ABRAXAS2: variants seen among roughly 807,000 people sequenced by gnomAD.
The protein encoded by ABRAXAS2 is abraxas 2, BRISC complex subunit.
ABRAXAS2 carries 23 observed loss-of-function variants against 49.0 expected under a neutral mutation model. The observed-to-expected ratio is 0.47, with a 90% CI of 0.34 to 0.66. The LOEUF (loss-of-function observed/expected upper bound fraction) is 0.66, where lower values mean the gene tolerates loss of function less well. ABRAXAS2 is among the 30% of genes least tolerant of loss of function. The pLI is 0.01. For synonymous variants in ABRAXAS2, 168 were observed against 180.2 expected (o/e 0.93, Z 0.54); for missense variants, 443 against 511.9 (o/e 0.87, Z 1.30).
chr10:124,810,022 C>A (rs1336973343), intron 2 of ABRAXAS2, among the ~76,000 whole-genome samples: 1 of 152,020 alleles, frequency 6.6e-6, no homozygotes, highest in Non-Finnish European at 1.5e-5. Flanking sequence ...CAAAGTGCTG[C>A]GATTGCAGGC....
chr10:124,812,688 T>C (rs1297553987), intron 2 of ABRAXAS2, among the ~76,000 whole-genome samples: 1 of 151,958 alleles, frequency 6.6e-6, no homozygotes, highest in Non-Finnish European at 1.5e-5. Flanking sequence ...AACTGGGAAC[T>C]TTGGAAAACC....
intron 1 of ABRAXAS2, among the ~76,000 whole-genome samples, chr10:124,802,770 A>G (rs1364873887): frequency 6.6e-6 from 1 of 152,254 alleles, no homozygotes; most frequent in Non-Finnish European, 1.5e-5. Flanking sequence ...ATTCAAACTC[A>G]TTAAACCTAT....
chr10:124,830,683 T>C (rs1950927358), intron 7 of ABRAXAS2, among the ~76,000 whole-genome samples: 1 of 152,220 alleles, frequency 6.6e-6, no homozygotes, highest in Non-Finnish European at 1.5e-5. Context: ...ATTTCTGCTA[T>C]GGAAGGAACT....
At chr10:124,818,964 A>G (rs542745558) in intron 3 of ABRAXAS2, among the ~76,000 whole-genome samples, 27 of 152,310 alleles carry the variant, frequency 1.8e-4, no homozygotes, top group Non-Finnish European at 3.5e-4. Context: ...GAATGAAACA[A>G]CCTGAGAAAG....
rs578013016 is a variant in ABRAXAS2, at chr10:124,810,908, G to A, written c.163+3987G>A. 1.1e-4 allele frequency among the ~76,000 whole-genome samples: 16 copies of A among 149,836 alleles called. No individual in the cohort carries two copies. The East Asian group carries it at 2.4e-3, about 23-fold the overall frequency. On this transcript the variant is annotated intron_variant, in intron 2 of 8. Coordinates refer to ENST00000298492, the MANE Select transcript of ABRAXAS2 (RefSeq NM_032182.4). ...CTAGGGTGTTTTTATTTTTCTTTTC[G>A]TTTTGCTTAATTCTTTAAAACCCTA...
In ABRAXAS2 at chr10:124,806,914, A is replaced by C; in HGVS notation, c.156A>C (p.Gln52His). 1 of 1,603,492 alleles carries C rather than the reference A, an allele frequency of 6.2e-7. No individual in the cohort carries two copies. Among genetic ancestry groups the C allele is most frequent in the Admixed American group, 1.7e-5 (1 of 59,750 alleles). The change falls in exon 2 of 9, where the codon CAA becomes CAC. Residue 52 changes from glutamine (Q) to histidine (H), a missense_variant. By Grantham distance (24) the Gln-to-His change is conservative (BLOSUM62 0). Transcript: ENST00000298492. ...AAATCAGCAACACAGAATTTCTGCA[A>C]GTAATTGGTAAGTAAATTTCTCAAT... is the stretch of plus-strand genomic sequence containing the variant. Reference protein sequence around the residue: ...DSQISNTEFLQVIEIHNHQPC... With the variant: ...DSQISNTEFLHVIEIHNHQPC...
intron 8 of ABRAXAS2, among the ~76,000 whole-genome samples, chr10:124,833,090 G>A (rs1950944327): frequency 6.8e-6 from 1 of 147,014 alleles, no homozygotes; most frequent in Non-Finnish European, 1.5e-5. Context: ...AGGTTGCAGT[G>A]AGCTGAGATC....
Position 124,801,915 on chromosome 10 carries a change from C to G in ABRAXAS2, c.72+14C>G. ...AACGCGGACCACGTAGGTGCCGGGC[C>G]CCCTGCCGCGCCCGCTGGGGGCTTT... On this transcript the variant is annotated intron_variant, in intron 1 of 8. Coordinates refer to ENST00000298492, the MANE Select transcript of ABRAXAS2 (RefSeq NM_032182.4). The G allele has an allele frequency of 6.2e-7, 1 of 1,611,256 alleles. No homozygotes were observed. Among genetic ancestry groups the G allele is most frequent in the Non-Finnish European group, 8.5e-7 (1 of 1,178,932 alleles).
In ABRAXAS2 at chr10:124,826,629, C is replaced by T. The variant is rs1257466638; in HGVS notation, c.302C>T (p.Thr101Met). Residue 101 changes from threonine to methionine, a missense_variant, in exon 5 of 9, where the codon ACG becomes ATG. Physicochemically the swap from Thr to Met is moderately conservative, Grantham distance 81. This residue lies in a region of ABRAXAS2 where 166 missense variants were observed against 247.3 expected (regional missense o/e 0.67). Transcript: ENST00000298492. Reference sequence around the variant, plus strand: ...GGGTGGTACAGATTCCGGCGCAATACGCAGCAGCAGATGTCCTACAGAGAG... The same window carrying T: ...GGGTGGTACAGATTCCGGCGCAATATGCAGCAGCAGATGTCCTACAGAGAG... The part of the protein sequence containing the change: ...VIGWYRFRRN[T>M]QQQMSYREQV... 3.1e-6 allele frequency: 5 copies of T among 1,613,986 alleles called. No homozygotes were observed. The highest frequency in any genetic ancestry group is 1.3e-5 in the African/African-American group (1 of 74,920).
chr10:124,836,006 C>T lies in ABRAXAS2; in HGVS notation c.*1035C>T, dbSNP rs1028811099. On this transcript the variant is annotated 3_prime_UTR_variant, in exon 9 of 9. Transcript: ENST00000298492. ...GGAATAATTGCAGTATGTGTAGAGA[C>T]TCTCTTGGGATGCACTTATATTTTT... 2 of 152,350 alleles carry T rather than the reference C, an allele frequency of 1.3e-5. No individual in the cohort carries two copies. Among genetic ancestry groups the T allele is most frequent in the Non-Finnish European group, 2.9e-5 (2 of 67,984 alleles). 9.4% of individuals were successfully genotyped at this position (152,350 alleles called of 1,614,324 possible).
intron 1 of ABRAXAS2, among the ~76,000 whole-genome samples, chr10:124,803,031 T>C (rs1950716797): frequency 6.6e-6 from 1 of 152,212 alleles, no homozygotes; most frequent in Admixed American, 6.5e-5. Context: ...TTGAAGACTA[T>C]GGCCTAGGGT....
intron 5 of ABRAXAS2, among the ~76,000 whole-genome samples, chr10:124,827,505 T>C (rs1950904594): frequency 1.3e-5 from 2 of 152,178 alleles, no homozygotes; most frequent in African/African-American, 4.8e-5. Flanking sequence ...TTCTTGTCAG[T>C]TATTTACATA....
chr10:124,817,649 C>T (rs1950833968), intron 3 of ABRAXAS2, among the ~76,000 whole-genome samples: 1 of 152,128 alleles, frequency 6.6e-6, no homozygotes, highest in African/African-American at 2.4e-5. Context: ...CTGCTGTTCC[C>T]TGCAGTTTTC....
At position 124,826,581 on chromosome 10, in the gene ABRAXAS2, C is replaced by T; in HGVS notation, c.268-14C>T. The T allele has an allele frequency of 6.2e-7, 1 of 1,601,262 alleles. No individual in the cohort carries two copies. Among genetic ancestry groups the T allele is most frequent in the Non-Finnish European group, 8.5e-7 (1 of 1,172,082 alleles). On this transcript the variant is annotated splice_polypyrimidine_tract_variant and intron_variant, in intron 4 of 8. Transcript: ENST00000298492. The stretch of plus-strand genomic sequence containing the variant: ...TTGTAAGATTTCATGCAACTTTTCA[C>T]ACTTTTCTTTCAGAAAGTCATTGGG...
rs777629929 is a variant in ABRAXAS2 at position 124,831,332 on chromosome 10, G to A, written c.664-17G>A. 3 of 1,525,660 alleles carry A rather than the reference G, an allele frequency of 2.0e-6. No homozygotes were observed. The African/African-American group carries it at 4.1e-5, about 21-fold the overall frequency. The allele number at this position is 1,525,660 out of a possible 1,614,324, so 94.5% of individuals were successfully genotyped here. A position where few individuals can be genotyped will look rare whatever the true frequency, so the allele number is the denominator to read the frequency against. On this transcript the variant is annotated splice_polypyrimidine_tract_variant and intron_variant, in intron 7 of 8. Transcript: ENST00000298492. ...GCTTGAACTTGAAGCTAACCTCGTT[G>A]TCATTTTTTTCCTCAGGCAGTGTGT... is the stretch of plus-strand genomic sequence containing the variant.
intron 2 of ABRAXAS2, among the ~76,000 whole-genome samples, chr10:124,814,048 A>G (rs971044004): frequency 5.9e-5 from 9 of 152,052 alleles, no homozygotes; most frequent in South Asian, 2.1e-4. Flanking sequence ...CTGGAGTGCA[A>G]TGGCACAATC....
intron 4 of ABRAXAS2, among the ~76,000 whole-genome samples, chr10:124,824,678 G>A (rs1311063463): frequency 6.6e-6 from 1 of 152,122 alleles, no homozygotes; most frequent in East Asian, 1.9e-4. Flanking sequence ...CATGAAAACA[G>A]CCAGTGTGCT....
At chr10:124,824,245 G>A (rs79421877) in intron 4 of ABRAXAS2, among the ~76,000 whole-genome samples, 5,214 of 152,206 alleles carry the variant, frequency 0.034, 134 homozygotes, top group Non-Finnish European at 0.046. Flanking sequence ...AAATCAATAA[G>A]CTGTTATATG....
intron 2 of ABRAXAS2, among the ~76,000 whole-genome samples, chr10:124,809,913 C>T (rs956521377): frequency 1.1e-4 from 17 of 151,924 alleles, no homozygotes; most frequent in Middle Eastern, 3.4e-3. Flanking sequence ...CCACCATGCC[C>T]GGCTAATTTT....
Sources: gnomAD v4.1 joint callset for allele counts (sites outside exome capture counted in the v4.1 genomes callset) on GRCh38, gnomAD v4.1.1 for gene constraint, gnomAD v4.1.1 regional missense constraint, MANE v1.5 for transcripts, NCBI Gene and HGNC (gene_info 2026-07-23, HGNC 2026-07-21) for gene names.